STK32B: variants seen among roughly 807,000 people sequenced by gnomAD.
The protein encoded by STK32B is serine/threonine-protein kinase 32B.
STK32B carries 43 observed loss-of-function variants against 52.6 expected under a neutral mutation model. The ratio of observed to expected loss-of-function variants is 0.82; its 90% CI spans 0.64 to 1.05. STK32B has a LOEUF of 1.05. Ranked by LOEUF, STK32B falls within the 50% of genes least tolerant of loss-of-function variation. The pLI, the probability that STK32B is intolerant of heterozygous loss-of-function variation, is 0.00. For synonymous variants in STK32B, 238 were observed against 204.3 expected, an observed-to-expected ratio of 1.17 and a Z score of -1.41; for missense variants, 621 against 534.6, an observed-to-expected ratio of 1.16 and a Z score of -1.59.
Position 5,174,189 on chromosome 4 carries a change from G to A in STK32B, c.260+5739G>A, listed in dbSNP as rs1719628902. Among the ~76,000 whole-genome samples the A allele has an allele frequency of 2.0e-5, 3 of 152,218 alleles. No homozygotes were observed. The South Asian group carries it at 6.2e-4, about 32-fold the overall frequency. ...CTCCATCTTTCTATTTTGAGCCTATGTGTGTCTCTGCATGTGAGATGGGTT... is the reference window on the plus strand; with the variant it reads ...CTCCATCTTTCTATTTTGAGCCTATATGTGTCTCTGCATGTGAGATGGGTT... On this transcript the variant is annotated intron_variant, in intron 3 of 11. Coordinates refer to ENST00000282908, the MANE Select transcript of STK32B (RefSeq NM_018401.3).
At chr4:5,254,580 G>A (rs1037134650) in intron 3 of STK32B, among the ~76,000 whole-genome samples, 1 of 152,080 alleles carries the variant, frequency 6.6e-6, no homozygotes. Flanking sequence ...TTCATTATAG[G>A]TGAGTTCAGA....
chr4:5,248,881 C>T (rs1238697746), intron 3 of STK32B, among the ~76,000 whole-genome samples: 4 of 150,100 alleles, frequency 2.7e-5, no homozygotes, highest in African/African-American at 9.9e-5. Flanking sequence ...ACAATGAGAA[C>T]ACTTGGACGC....
chr4:5,193,483 C>T (rs1721395437), intron 3 of STK32B, among the ~76,000 whole-genome samples: 5 of 152,192 alleles, frequency 3.3e-5, no homozygotes, highest in Admixed American at 1.3e-4. Context: ...TTGAGCATCT[C>T]CCACCATGGA....
rs1280521691 is a variant in STK32B at position 5,315,304 on chromosome 4, A to G, written c.261-15916A>G. Among the ~76,000 whole-genome samples, 9 of 152,312 alleles carry G rather than the reference A, an allele frequency of 5.9e-5. No individual in the cohort carries two copies. In the East Asian group the frequency reaches 1.7e-3, roughly 29 times the overall value. ...TGACTACACACCTGTCAGAATGGCT[A>G]GCTTAAAAATAGTGATAACATCAAG... On this transcript the variant is annotated intron_variant, in intron 3 of 11. Transcript: ENST00000282908.
chr4:5,286,794 C>CTT (rs60300816), intron 3 of STK32B, among the ~76,000 whole-genome samples: 9,766 of 113,208 alleles, frequency 0.086, 1,796 homozygotes, highest in African/African-American at 0.34. Context: ...TACAGATGTA[C>CTT]TTTTTTTTTT....
the STK32B span, among the ~76,000 whole-genome samples, chr4:5,021,610 C>G: frequency 1.3e-5 from 2 of 152,166 alleles, no homozygotes; most frequent in Non-Finnish European, 2.9e-5. Flanking sequence ...AAGTCCTGCA[C>G]CATTAGATCA....
At chr4:5,129,434 T>C (rs1348959551) in intron 1 of STK32B, among the ~76,000 whole-genome samples, 1 of 152,230 alleles carries the variant, frequency 6.6e-6, no homozygotes, top group Non-Finnish European at 1.5e-5. Context: ...GTCTCTCTTG[T>C]TCATTGTAGG....
At chr4:5,373,882 A>T (rs1735408349) in intron 4 of STK32B, among the ~76,000 whole-genome samples, 1 of 152,208 alleles carries the variant, frequency 6.6e-6, no homozygotes, top group Non-Finnish European at 1.5e-5. Flanking sequence ...ACACCAACAA[A>T]TACTACCTAC....
At chr4:5,073,461 T>A (rs1289610751) in intron 1 of STK32B, among the ~76,000 whole-genome samples, 1 of 152,032 alleles carries the variant, frequency 6.6e-6, no homozygotes, top group Non-Finnish European at 1.5e-5. Context: ...TATTTCTACA[T>A]GTAATATAAA....
At chr4:5,473,759 C>G (rs1403951829) in intron 11 of STK32B, among the ~76,000 whole-genome samples, 3 of 152,156 alleles carry the variant, frequency 2.0e-5, no homozygotes, top group Non-Finnish European at 4.4e-5. Flanking sequence ...GGCAGCAAAC[C>G]CAGCGCATTT....
the STK32B span, among the ~76,000 whole-genome samples, chr4:5,038,181 TA>T: frequency 6.6e-6 from 1 of 152,202 alleles, no homozygotes; most frequent in Admixed American, 6.5e-5. Context: ...GCATGCCAAT[TA>T]AAACCATTCA....
At chr4:5,048,409 G>T (rs1414383199), upstream of STK32B, among the ~76,000 whole-genome samples, 2 of 150,152 alleles carry the variant, frequency 1.3e-5, no homozygotes, top group African/African-American at 4.9e-5. Flanking sequence ...CAATTCTCCT[G>T]CCTCAGCCTC....
chr4:5,083,137 A>G (rs1470295992), intron 1 of STK32B, among the ~76,000 whole-genome samples: 1 of 152,212 alleles, frequency 6.6e-6, no homozygotes, highest in East Asian at 1.9e-4. Context: ...TTGATTTTCT[A>G]AAGTAGAAAA....
intron 1 of STK32B, among the ~76,000 whole-genome samples, chr4:5,101,261 AC>A (rs1312617809): frequency 1.1e-4 from 17 of 152,300 alleles, no homozygotes; most frequent in African/African-American, 4.1e-4. Flanking sequence ...TATTTGGGGC[AC>A]ACACGGTGGC....
intron 11 of STK32B, among the ~76,000 whole-genome samples, chr4:5,473,121 G>A (rs1456550767): frequency 2.6e-5 from 4 of 152,182 alleles, no homozygotes; most frequent in Admixed American, 1.3e-4. Context: ...GCAATATGAA[G>A]AACTTGAACT....
At chr4:5,223,677 C>T (rs563147503) in intron 3 of STK32B, among the ~76,000 whole-genome samples, 117 of 152,034 alleles carry the variant, frequency 7.7e-4, no homozygotes, top group African/African-American at 2.5e-3. Flanking sequence ...ATTAGCCAGG[C>T]GTGGTGGTGG....
intron 2 of STK32B, among the ~76,000 whole-genome samples, chr4:5,153,332 C>A (rs1299208974): frequency 2.0e-5 from 3 of 152,146 alleles, no homozygotes; most frequent in Non-Finnish European, 4.4e-5. Flanking sequence ...GCTCCTGCAA[C>A]CCTCCCTTTT....
At chr4:5,361,678 C>G (rs1302571640) in intron 4 of STK32B, among the ~76,000 whole-genome samples, 1 of 152,204 alleles carries the variant, frequency 6.6e-6, no homozygotes, top group African/African-American at 2.4e-5. Context: ...AACGTCTGGA[C>G]TAGAATTCTG....
At chr4:5,353,233 A>C in intron 4 of STK32B, among the ~76,000 whole-genome samples, 1 of 152,194 alleles carries the variant, frequency 6.6e-6, no homozygotes, top group Non-Finnish European at 1.5e-5. Context: ...CTCATCTCTC[A>C]CCATATACAA....
Sources: allele counts gnomAD v4.1 joint callset (sites outside exome capture counted in the v4.1 genomes callset), GRCh38; gene constraint gnomAD v4.1.1; transcripts MANE v1.5; gene names NCBI Gene and HGNC (gene_info 2026-07-23, HGNC 2026-07-21).